Variants in DAAM2 observed in about 807,000 individuals in gnomAD.
The protein encoded by DAAM2 is disheveled-associated activator of morphogenesis 2.
DAAM2 carries 39 observed loss-of-function variants against 120.7 expected under a neutral mutation model. That is an observed-to-expected ratio of 0.32 (90% CI 0.25 to 0.42). DAAM2 has a LOEUF of 0.42. Among genes scored for constraint, DAAM2 ranks in the 10% least tolerant of loss-of-function variants. The probability of loss-of-function intolerance (pLI) is 1.00; values close to 1 mark genes in which losing one functional copy is unlikely to be tolerated. For missense variants in DAAM2, 1,283 were observed against 1,401.7 expected (o/e 0.92, Z 1.35); for synonymous variants, 488 against 524.9 (o/e 0.93, Z 0.96).
At position 39,878,115 on chromosome 6, in the gene DAAM2, A is replaced by C; in HGVS notation, c.1302-88A>C. The C allele has an allele frequency of 2.1e-6, 3 of 1,436,572 alleles. No homozygotes were observed. Among genetic ancestry groups the C allele is most frequent in the Non-Finnish European group, 2.9e-6 (3 of 1,036,838 alleles). 89.0% of individuals were successfully genotyped at this position (1,436,572 alleles called of 1,614,324 possible). On this transcript the variant is annotated intron_variant, in intron 11 of 24. Transcript: ENST00000274867. This position sits in a 1 kb window ranked among gnomAD's most constrained non-coding sequence, Gnocchi z 5.0. ...GGACAGATTGGAGACCAGGGTCCCCACCTGGAGGGTAGAAAGATGATGTCT... is the reference window on the plus strand; with the variant it reads ...GGACAGATTGGAGACCAGGGTCCCCCCCTGGAGGGTAGAAAGATGATGTCT...
Position 39,891,397 on chromosome 6 carries a change from T to C in DAAM2, c.2202T>C (p.His734=). The part of the protein sequence containing the change: ...SDIDLLEEHK[H]EIERMARADR... The stretch of plus-strand genomic sequence containing the variant: ...TTGACCTCCTGGAGGAGCACAAGCA[T>C]GAAATTGAGCGGATGGCCCGTGCTG... The change falls in exon 18 of 25, where the codon CAT becomes CAC. Residue 734 remains histidine (H), a synonymous_variant. Transcript: ENST00000274867. 8.1e-6 allele frequency: 13 copies of C among 1,611,650 alleles called. No homozygotes were observed. The highest frequency in any genetic ancestry group is 1.0e-5 in the Non-Finnish European group (12 of 1,178,956).
At chr6:39,802,967 G>A (rs1430392129) in intron 1 of DAAM2, among the ~76,000 whole-genome samples, 2 of 152,088 alleles carry the variant, frequency 1.3e-5, no homozygotes. Flanking sequence ...CATACAGTGG[G>A]TGCTTATTTG....
intron 22 of DAAM2, 97 bp downstream of exon 22, chr6:39,899,034 T>C: frequency 1.1e-6 from 1 of 931,434 alleles, no homozygotes; most frequent in Admixed American, 2.1e-5. Context: ...CAAAAAACAA[T>C]GGGTACAGCC....
At chr6:39,815,742 G>A (rs1225411030) in intron 1 of DAAM2, among the ~76,000 whole-genome samples, 1 of 152,024 alleles carries the variant, frequency 6.6e-6, no homozygotes, top group African/African-American at 2.4e-5. Context: ...GGGAGACCAA[G>A]GGTATTTGTA....
chr6:39,869,057 T>C lies in DAAM2; in HGVS notation c.873+124T>C, dbSNP rs1238944611. 4.1e-6 allele frequency: 3 copies of C among 723,396 alleles called. No individual in the cohort carries two copies. In the African/African-American group the frequency reaches 5.2e-5, roughly 13 times the overall value. 44.8% of individuals were successfully genotyped at this position (723,396 alleles called of 1,614,324 possible). A position where few individuals can be genotyped will look rare whatever the true frequency, so the allele number is the denominator to read the frequency against. ...AAACCTGGGAGGGCTCCTGGGGAGT[T>C]GCCTACATAGGTAGCATCATGCACG... is the stretch of plus-strand genomic sequence containing the variant. On this transcript the variant is annotated intron_variant, in intron 7 of 24. Coordinates refer to ENST00000274867, the MANE Select transcript of DAAM2 (RefSeq NM_001201427.2).
chr6:39,801,826 C>T (rs1390220941), intron 1 of DAAM2, among the ~76,000 whole-genome samples: 1 of 152,180 alleles, frequency 6.6e-6, no homozygotes, highest in African/African-American at 2.4e-5. Context: ...GTTAACACTC[C>T]CTTCCTTGTT....
Position 39,901,959 on chromosome 6 carries a change from C to T in DAAM2, c.3129C>T (p.Leu1043=). The T allele has an allele frequency of 6.2e-7, 1 of 1,612,568 alleles. No individual in the cohort carries two copies. The highest frequency in any genetic ancestry group is 8.5e-7 in the Non-Finnish European group (1 of 1,178,826). ...TCTTCGACAAGGACTTATGCAAGCT[C>T]AAGCGCAGCCGCAAGCGATCAGGGA... ...GEVFDKDLCK[L]KRSRKRSGSQ... The change falls in exon 25 of 25, where the codon CTC becomes CTT. Residue 1043 remains leucine (L), a synonymous_variant. Transcript: ENST00000274867. This position sits in a 1 kb window ranked among gnomAD's most constrained non-coding sequence, Gnocchi z 4.5.
rs1167074898 is a variant in DAAM2, at chr6:39,896,833, A to T, written c.2363A>T (p.Glu788Val). The change falls in exon 20 of 25, where the codon GAG becomes GTG. Residue 788 changes from glutamate (E) to valine (V), a missense_variant. Around this residue, in one of 3 missense-constraint regions of DAAM2, gnomAD observed 748 missense variants for 768.6 expected, o/e 0.97. Coordinates refer to ENST00000274867, the MANE Select transcript of DAAM2 (RefSeq NM_001201427.2). ...KVEAILLASR[E>V]LVRSKRLRQM... is the part of the protein sequence containing the mutation. ...CCAGCCATCCTGTTGGCCTCCCGGG[A>T]GCTGGTCCGCAGCAAGCGTCTTAGA... The T allele has an allele frequency of 1.2e-6, 2 of 1,603,982 alleles. No individual in the cohort carries two copies. Among genetic ancestry groups the T allele is most frequent in the Admixed American group, 3.4e-5 (2 of 58,952 alleles).
intron 1 of DAAM2, among the ~76,000 whole-genome samples, chr6:39,828,349 G>A (rs967909720): frequency 2.0e-5 from 3 of 152,164 alleles, no homozygotes; most frequent in Non-Finnish European, 4.4e-5. Flanking sequence ...ATGAAAAACT[G>A]TAAAGAGCAT....
chr6:39,792,946 C>CA (rs1415971498), intron 1 of DAAM2: 2 of 152,220 alleles, frequency 1.3e-5, no homozygotes, highest in Non-Finnish European at 2.9e-5. Flanking sequence ...GGCCTCTGGC[C>CA]AGTGGGCAGG....
rs548806653 is a variant in DAAM2, at chr6:39,818,446, AAAGT to A, written c.-57+25983_-57+25986del. ...AAATTATTTTATCTGAGGATGAAAG[AAAGT>A]ATTAATCTGTGGTATTTTGACGTTA... On this transcript the variant is annotated intron_variant, in intron 1 of 24. Transcript: ENST00000274867. Among the ~76,000 whole-genome samples, 355 of 152,340 alleles carry A rather than the reference AAAGT, an allele frequency of 2.3e-3. 1 individual carries two copies. Among genetic ancestry groups the A allele is most frequent in the Non-Finnish European group, 4.5e-3 (306 of 68,032 alleles).
intron 1 of DAAM2, among the ~76,000 whole-genome samples, chr6:39,807,188 CAAAA>C (rs11312011): frequency 1.7e-5 from 2 of 115,848 alleles, no homozygotes; most frequent in Admixed American, 1.8e-4. Context: ...TAGAACACAG[CAAAA>C]AAAAAAAAAA....
At chr6:39,838,267 A>G (rs922937948) in intron 1 of DAAM2, among the ~76,000 whole-genome samples, 1 of 152,218 alleles carries the variant, frequency 6.6e-6, no homozygotes, top group African/African-American at 2.4e-5. Context: ...AGGAGGACAC[A>G]TAAGGCACCC....
At chr6:39,825,606 G>A (rs775612453) in intron 1 of DAAM2, among the ~76,000 whole-genome samples, 14 of 152,018 alleles carry the variant, frequency 9.2e-5, no homozygotes, top group East Asian at 3.9e-4. Flanking sequence ...CCTCTCCATC[G>A]TACCAGGGAT....
chr6:39,830,767 A>G (rs1355061661), intron 1 of DAAM2, among the ~76,000 whole-genome samples: 2 of 152,180 alleles, frequency 1.3e-5, no homozygotes, highest in Non-Finnish European at 2.9e-5. Context: ...TCAAGACTGC[A>G]TCAGGACCAG....
chr6:39,904,269 GAA>G lies in DAAM2; in HGVS notation c.*2234_*2235del, dbSNP rs1766657463. The stretch of plus-strand genomic sequence containing the variant: ...AGAGCTCAGCCTTCTCACTCTAAAA[GAA>G]AGATATTTTTCTATTTATTTTCTAC... On this transcript the variant is annotated 3_prime_UTR_variant, in exon 25 of 25. Transcript: ENST00000274867. The G allele has an allele frequency of 2.2e-6, 1 of 456,478 alleles. No homozygotes were observed. The highest frequency in any genetic ancestry group is 2.4e-5 in the Admixed American group (1 of 42,544). The allele number at this position is 456,478 out of a possible 1,614,324, so 28.3% of individuals were successfully genotyped here.
intron 19 of DAAM2, among the ~76,000 whole-genome samples, chr6:39,893,774 G>T (rs547454749): frequency 6.6e-6 from 1 of 152,166 alleles, no homozygotes; most frequent in South Asian, 2.1e-4. Context: ...AATCAGATCA[G>T]TGTGTGTGAC....
At position 39,878,765 on chromosome 6, in the gene DAAM2, G is replaced by A. The variant is rs138542018; in HGVS notation, c.1545+177G>A. Among the ~76,000 whole-genome samples, 616 of 152,248 alleles carry A rather than the reference G, an allele frequency of 4.0e-3. 3 individuals carry two copies. The highest frequency in any genetic ancestry group is 0.017 in the Middle Eastern group (5 of 294). On this transcript the variant is annotated intron_variant, in intron 13 of 24. Transcript: ENST00000274867. This position sits in a 1 kb window ranked among gnomAD's most constrained non-coding sequence, Gnocchi z 5.0. ...CTGTACAGGTGGCATCTTTGTGTTA[G>A]AAAAATAATGTCCCTTCCTCTGGGT...
rs115090048 is a variant in DAAM2 at position 39,896,071 on chromosome 6, A to T, written c.2342-741A>T. On this transcript the variant is annotated intron_variant, in intron 19 of 24. Transcript: ENST00000274867. ...TCTTTCCAAAAAACCAATAGAATAT[A>T]GCATTTCAAGACAGGCAGAAGCAAT... Among the ~76,000 whole-genome samples, 236 of 152,372 alleles carry T rather than the reference A, an allele frequency of 1.5e-3. 1 individual carries two copies. Among genetic ancestry groups the T allele is most frequent in the African/African-American group, 5.5e-3 (227 of 41,600 alleles).
Sources: gnomAD v4.1 joint callset for allele counts (sites outside exome capture counted in the v4.1 genomes callset) on GRCh38, gnomAD v4.1.1 for gene constraint, gnomAD v4.1.1 regional missense constraint, Gnocchi (gnomAD v3.1) non-coding constraint, MANE v1.5 for transcripts, NCBI Gene and HGNC (gene_info 2026-07-23, HGNC 2026-07-21) for gene names.